Variants in PCDHGA6 observed in about 807,000 individuals in gnomAD.
PCDHGA6 encodes protocadherin gamma subfamily A, 6.
PCDHGA6 carries 41 observed loss-of-function variants against 60.6 expected under a neutral mutation model. That is an observed-to-expected ratio of 0.68 (90% CI 0.53 to 0.88). PCDHGA6 has a LOEUF of 0.88. Ranked by LOEUF, PCDHGA6 falls within the 40% of genes least tolerant of loss-of-function variation. The pLI is 0.00. For synonymous variants in PCDHGA6, 594 were observed against 524.4 expected (o/e 1.13, Z -1.81); for missense variants, 1,312 against 1,203.0 (o/e 1.09, Z -1.34).
rs1298454674 is a variant in PCDHGA6, at chr5:141,438,625, TATATATATATAC to T, written c.2425-56180_2425-56169del. 7.7e-3 allele frequency among the ~76,000 whole-genome samples: 357 copies of T among 46,390 alleles called. 5 individuals are homozygous for T. The East Asian group carries it at 0.082, about 11-fold the overall frequency. 30.4% of individuals were successfully genotyped at this position (46,390 alleles called of 152,430 possible). A position where few individuals can be genotyped will look rare whatever the true frequency, so the allele number is the denominator to read the frequency against. On this transcript the variant is annotated intron_variant, in intron 1 of 3. Transcript: ENST00000517434. ...ATATATATATATATATATATATATATATATATATATACACACACACACACACATATATGTATA... is the reference window on the plus strand; with the variant it reads ...ATATATATATATATATATATATATATACACACACACACACATATATGTATA...
At chr5:141,497,203 G>C (rs750138875) in intron 2 of PCDHGA6, among the ~76,000 whole-genome samples, 3 of 91,718 alleles carry the variant, frequency 3.3e-5, no homozygotes, top group African/African-American at 2.8e-4. Flanking sequence ...AACAATGTGA[G>C]TGTAATGGGG....
chr5:141,390,042 G>A, intron 1 of PCDHGA6: 1 of 1,614,034 alleles, frequency 6.2e-7, no homozygotes, highest in Non-Finnish European at 8.5e-7. Flanking sequence ...CTCCAGCCCC[G>A]CCTCCTGGAG....
chr5:141,462,336 T>C (rs2099037439), intron 1 of PCDHGA6, among the ~76,000 whole-genome samples: 1 of 152,238 alleles, frequency 6.6e-6, no homozygotes, highest in African/African-American at 2.4e-5. Flanking sequence ...TTTAATTGTA[T>C]TGTGATCCAA....
intron 1 of PCDHGA6, 153 bp downstream of exon 1, chr5:141,376,660 T>C (rs1772971230): frequency 1.1e-6 from 1 of 886,650 alleles, no homozygotes; most frequent in African/African-American, 1.8e-5. Flanking sequence ...GACTCCCTTG[T>C]TCAGGTGAGG....
At chr5:141,459,945 G>T (rs113794146) in intron 1 of PCDHGA6, among the ~76,000 whole-genome samples, 54 of 152,164 alleles carry the variant, frequency 3.5e-4, no homozygotes, top group Middle Eastern at 3.2e-3. Flanking sequence ...GGGCGTGATG[G>T]CAGGTGCCTG....
In PCDHGA6 at chr5:141,422,843, G is replaced by C. The variant is rs778670588; in HGVS notation, c.2424+46336G>C. 1.9e-6 allele frequency: 3 copies of C among 1,614,234 alleles called. No homozygotes were observed. In the East Asian group the frequency reaches 6.7e-5, roughly 36 times the overall value. ...CTGAGAGTGATAGCACGTGACAGCG[G>C]GGACCCGCCCCTCAGCAGCAACGTG... is the stretch of plus-strand genomic sequence containing the variant. On this transcript the variant is annotated intron_variant, in intron 1 of 3. Coordinates refer to ENST00000517434, the MANE Select transcript of PCDHGA6 (RefSeq NM_018919.3).
At chr5:141,419,432 C>A (rs2096381830) in intron 1 of PCDHGA6, 1 of 1,613,160 alleles carries the variant, frequency 6.2e-7, no homozygotes, top group Non-Finnish European at 8.5e-7. Flanking sequence ...CCACGAGCAG[C>A]TGCGCACCTT....
chr5:141,480,145 C>A (rs1331658762), intron 1 of PCDHGA6, among the ~76,000 whole-genome samples: 1 of 151,968 alleles, frequency 6.6e-6, no homozygotes, highest in Non-Finnish European at 1.5e-5. Context: ...CAATTATTAG[C>A]CAGCTCCTAG....
chr5:141,421,043 C>G (rs1201118615), intron 1 of PCDHGA6: 2 of 548,238 alleles, frequency 3.6e-6, no homozygotes, highest in Non-Finnish European at 6.3e-6. Flanking sequence ...CCTCCCTCCC[C>G]CGCCTCTACC....
At chr5:141,397,926 A>T in intron 1 of PCDHGA6, 1 of 753,888 alleles carries the variant, frequency 1.3e-6, no homozygotes, top group Non-Finnish European at 2.1e-6. Context: ...CTCCTCGCGC[A>T]GCCGCAGCGC....
intron 1 of PCDHGA6, chr5:141,418,417 T>G: frequency 6.2e-7 from 1 of 1,614,002 alleles, no homozygotes; most frequent in Non-Finnish European, 8.5e-7. Flanking sequence ...AAGACAATCC[T>G]GATGGTGGCA....
intron 1 of PCDHGA6, among the ~76,000 whole-genome samples, chr5:141,468,247 C>T (rs925455907): frequency 6.7e-6 from 1 of 149,930 alleles, no homozygotes; most frequent in Non-Finnish European, 1.5e-5. Flanking sequence ...ATTGCCTGAA[C>T]CTGGGAGGCA....
intron 1 of PCDHGA6, among the ~76,000 whole-genome samples, chr5:141,381,944 C>G (rs1777787484): frequency 6.7e-6 from 1 of 149,738 alleles, no homozygotes; most frequent in African/African-American, 2.5e-5. Context: ...ATTTTCCTGC[C>G]TCAGCCTCCT....
chr5:141,374,608 T>A lies in PCDHGA6; in HGVS notation c.525T>A (p.Asn175Lys). Residue 175 changes from asparagine (N) to lysine (K), a missense_variant, in exon 1 of 4, where the codon AAT becomes AAA. Coordinates refer to ENST00000517434, the MANE Select transcript of PCDHGA6 (RefSeq NM_018919.3). ...NSLQGFKLSGNSHFSVDVQSE... is the reference protein window; with the variant it reads ...NSLQGFKLSGKSHFSVDVQSE... ...TTCAGGGATTTAAGCTCAGTGGTAA[T>A]AGTCACTTCTCAGTGGACGTGCAAA... 1 of 1,613,602 alleles carries A rather than the reference T, an allele frequency of 6.2e-7. No individual in the cohort carries two copies. Among genetic ancestry groups the A allele is most frequent in the South Asian group, 1.1e-5 (1 of 91,064 alleles).
At chr5:141,434,553 G>T (rs1203568173) in intron 1 of PCDHGA6, among the ~76,000 whole-genome samples, 1 of 152,202 alleles carries the variant, frequency 6.6e-6, no homozygotes, top group Admixed American at 6.5e-5. Flanking sequence ...AGTGATCTGT[G>T]CCTTAAGGAC....
chr5:141,492,064 C>T (rs1562152072), intron 1 of PCDHGA6: 3 of 484,366 alleles, frequency 6.2e-6, no homozygotes, highest in Non-Finnish European at 1.1e-5. Context: ...AGCCAGCCTC[C>T]TAGGCGCCGG....
Position 141,477,584 on chromosome 5 carries a change from G to A in PCDHGA6, c.2425-17223G>A. 5 of 1,614,148 alleles carry A rather than the reference G, an allele frequency of 3.1e-6. No homozygotes were observed. Among genetic ancestry groups the A allele is most frequent in the Non-Finnish European group, 4.2e-6 (5 of 1,180,032 alleles). On this transcript the variant is annotated intron_variant, in intron 1 of 3. Coordinates refer to ENST00000517434, the MANE Select transcript of PCDHGA6 (RefSeq NM_018919.3). This position sits in a 1 kb window ranked among gnomAD's most constrained non-coding sequence, Gnocchi z 4.9. ...CTGGGACCCCGACGCCCCGCAGAAT[G>A]CTCGGCTTTCTTTCTTTCTCTTGGA...
chr5:141,473,894 T>C (rs1224416966), intron 1 of PCDHGA6, among the ~76,000 whole-genome samples: 1 of 152,134 alleles, frequency 6.6e-6, no homozygotes, highest in Non-Finnish European at 1.5e-5. Context: ...GTTCTGTTGG[T>C]TCATGAAGAG....
intron 1 of PCDHGA6, among the ~76,000 whole-genome samples, chr5:141,465,505 G>A (rs905617997): frequency 6.6e-6 from 1 of 152,190 alleles, no homozygotes; most frequent in Non-Finnish European, 1.5e-5. Flanking sequence ...CATTGTCGTG[G>A]TCAGGAAGGA....
Sources: allele counts gnomAD v4.1 joint callset (sites outside exome capture counted in the v4.1 genomes callset), GRCh38; gene constraint gnomAD v4.1.1; non-coding constraint Gnocchi (gnomAD v3.1); transcripts MANE v1.5; gene names NCBI Gene and HGNC (gene_info 2026-07-23, HGNC 2026-07-21).